TULP4: variants seen among roughly 807,000 people sequenced by gnomAD.
TULP4 encodes the protein TUB like protein 4.
TULP4 carries 16 observed loss-of-function variants against 129.0 expected under a neutral mutation model. That is an observed-to-expected ratio of 0.12 (90% CI 0.08 to 0.19). TULP4 has a LOEUF of 0.19. TULP4 is among the 10% of genes least tolerant of loss of function. TULP4 has a pLI of 1.00. For synonymous variants in TULP4, 998 were observed against 854.0 expected, an observed-to-expected ratio of 1.17 and a Z score of -2.94; for missense variants, 1,842 against 2,059.1, an observed-to-expected ratio of 0.89 and a Z score of 2.04.
chr6:158,481,057 C>T lies in TULP4; in HGVS notation c.1254C>T (p.Pro418=), dbSNP rs758770940. The change falls in exon 8 of 14, where the codon CCC becomes CCT. Residue 418 remains proline (P), a splice_region_variant and synonymous_variant. Coordinates refer to ENST00000367097, the MANE Select transcript of TULP4 (RefSeq NM_020245.5). ...CATTTTCTTCCTGTATCCTCCAGCC[C>T]CCAATTCCAGATCCGAACAACATGA... ...LSTAFIPTIK[P]PIPDPNNMRD... The T allele has an allele frequency of 6.4e-7, 1 of 1,559,872 alleles. No individual in the cohort carries two copies. The highest frequency in any genetic ancestry group is 8.7e-7 in the Non-Finnish European group (1 of 1,149,432).
intron 1 of TULP4, among the ~76,000 whole-genome samples, chr6:158,351,515 G>A (rs1418077994): frequency 6.6e-6 from 1 of 152,070 alleles, no homozygotes; most frequent in African/African-American, 2.4e-5. Flanking sequence ...TATACATACT[G>A]TGTTCTTAAG....
chr6:158,443,628 C>G (rs952556375), intron 3 of TULP4, among the ~76,000 whole-genome samples: 4 of 152,178 alleles, frequency 2.6e-5, no homozygotes, highest in African/African-American at 9.6e-5. Flanking sequence ...ATAGGAGAGT[C>G]TCTCATCTTA....
At chr6:158,320,406 T>A (rs957275080) in intron 1 of TULP4, among the ~76,000 whole-genome samples, 14 of 151,894 alleles carry the variant, frequency 9.2e-5, no homozygotes, top group African/African-American at 3.4e-4. Flanking sequence ...ATCAAGGTTA[T>A]TTGTACTGAT....
rs1779383429 is a variant in TULP4, at chr6:158,312,627, AT to A, written c.-1388del. 3 of 152,606 alleles carry A rather than the reference AT, an allele frequency of 2.0e-5. No homozygotes were observed. In the South Asian group the frequency reaches 6.2e-4, roughly 32 times the overall value. The allele number at this position is 152,606 out of a possible 1,614,324, so 9.5% of individuals were successfully genotyped here. ...TGGGACAAGTTTGAATAATGAACTG[AT>A]TCCTTTGCCTATCTTAATTAACTGT... On this transcript the variant is annotated 5_prime_UTR_variant, in exon 1 of 14. Transcript: ENST00000367097.
intron 1 of TULP4, among the ~76,000 whole-genome samples, chr6:158,326,087 A>G (rs1779740435): frequency 1.3e-5 from 2 of 152,190 alleles, no homozygotes; most frequent in Admixed American, 1.3e-4. Flanking sequence ...GTATTACTGT[A>G]TCACAAATAT....
At chr6:158,271,149 C>CAAA (rs1220844247) in intron 1 of TULP4, among the ~76,000 whole-genome samples, 3 of 78,976 alleles carry the variant, frequency 3.8e-5, no homozygotes, top group Non-Finnish European at 8.1e-5. Flanking sequence ...GACTCTGTCT[C>CAAA]AAAAAAAAAA....
intron 3 of TULP4, among the ~76,000 whole-genome samples, chr6:158,430,816 A>T (rs899439806): frequency 1.3e-5 from 2 of 152,230 alleles, no homozygotes; most frequent in Non-Finnish European, 2.9e-5. Flanking sequence ...TGTGTTTTCC[A>T]TGTATAGCAG....
In TULP4 at chr6:158,473,009, G is replaced by A. The variant is rs1779725961; in HGVS notation, c.1027-6742G>A. 2.6e-5 allele frequency among the ~76,000 whole-genome samples: 4 copies of A among 152,184 alleles called. No individual in the cohort carries two copies. The South Asian group carries it at 8.3e-4, about 31-fold the overall frequency. On this transcript the variant is annotated intron_variant, in intron 6 of 13. Transcript: ENST00000367097. ...GTAGGCTTCAATAATTTAGGCCCAG[G>A]TTTTTGTTTTGTTTTATGGTCTTCT...
intron 5 of TULP4, among the ~76,000 whole-genome samples, chr6:158,452,809 T>C (rs1488066574): frequency 6.6e-6 from 1 of 152,238 alleles, no homozygotes; most frequent in African/African-American, 2.4e-5. Flanking sequence ...TCCTGATAGA[T>C]ATTATGAGTG....
chr6:158,246,363 G>T (rs976847702), intron 1 of TULP4, among the ~76,000 whole-genome samples: 3 of 151,962 alleles, frequency 2.0e-5, no homozygotes, highest in Non-Finnish European at 2.9e-5. Flanking sequence ...GTGGTGGCAG[G>T]CGCCTGTAGT....
At position 158,340,297 on chromosome 6, in the gene TULP4, C is replaced by T. The variant is rs139656430; in HGVS notation, c.252+26029C>T. On this transcript the variant is annotated intron_variant, in intron 1 of 13. Transcript: ENST00000367097. ...AGTATAGACATGCAAATTGTAGGAC[C>T]ACTCCTAAGTGTTGAGTATAATCAT... Among the ~76,000 whole-genome samples the T allele has an allele frequency of 7.2e-5, 11 of 152,252 alleles. No individual in the cohort carries two copies. In the East Asian group the frequency reaches 2.1e-3, roughly 29 times the overall value.
chr6:158,251,283 G>T (rs1410544025), intron 1 of TULP4, among the ~76,000 whole-genome samples: 1 of 152,144 alleles, frequency 6.6e-6, no homozygotes, highest in African/African-American at 2.4e-5. Flanking sequence ...TTCAGCTACT[G>T]AATTTTTAGT....
intron 5 of TULP4, among the ~76,000 whole-genome samples, chr6:158,453,093 A>G (rs1486207869): frequency 1.3e-5 from 2 of 152,146 alleles, no homozygotes; most frequent in East Asian, 3.8e-4. Flanking sequence ...CTGTCATTCA[A>G]AACTGGCCAT....
intron 1 of TULP4, among the ~76,000 whole-genome samples, chr6:158,380,174 GTTTTTA>G (rs1777288983): frequency 6.6e-6 from 1 of 152,198 alleles, no homozygotes; most frequent in Non-Finnish European, 1.5e-5. Context: ...CTTGTCCACA[GTTTTTA>G]TTTTAATATT....
chr6:158,461,499 G>T, intron 5 of TULP4, 64 bp from the exon 6 acceptor site: 1 of 1,522,160 alleles, frequency 6.6e-7, no homozygotes, highest in Non-Finnish European at 9.0e-7. Context: ...AAGACAGTAG[G>T]CTTGCTGAGT....
intron 12 of TULP4, 28 bp from the exon 13 acceptor site, chr6:158,501,650 G>A (rs992225146): frequency 6.3e-7 from 1 of 1,592,280 alleles, no homozygotes; most frequent in Middle Eastern, 1.7e-4. Flanking sequence ...GTTTTTGTAA[G>A]CAGTTCCTTT....
intron 1 of TULP4, among the ~76,000 whole-genome samples, chr6:158,284,546 G>A (rs1051737503): frequency 1.3e-5 from 2 of 152,230 alleles, no homozygotes; most frequent in African/African-American, 4.8e-5. Context: ...CAGTGATGAC[G>A]TGCCATCTGC....
intron 6 of TULP4, among the ~76,000 whole-genome samples, chr6:158,467,830 A>G (rs905388552): frequency 6.6e-6 from 1 of 152,182 alleles, no homozygotes; most frequent in African/African-American, 2.4e-5. Flanking sequence ...CAAGCTTTGC[A>G]CCACGCCTGG....
chr6:158,308,770 C>T (rs1480472401), upstream of TULP4, among the ~76,000 whole-genome samples: 20 of 143,836 alleles, frequency 1.4e-4, no homozygotes, highest in East Asian at 4.4e-4. Context: ...GACCCCCCCA[C>T]CTCCCTCCCG....
Sources: allele counts gnomAD v4.1 joint callset (sites outside exome capture counted in the v4.1 genomes callset), GRCh38; gene constraint gnomAD v4.1.1; transcripts MANE v1.5; gene names NCBI Gene and HGNC (gene_info 2026-07-23, HGNC 2026-07-21).